PYGO1: variants seen among roughly 807,000 people sequenced by gnomAD.
The protein encoded by PYGO1 is pygopus family PHD finger 1.
PYGO1 carries 6 observed loss-of-function variants against 29.5 expected under a neutral mutation model. The ratio of observed to expected loss-of-function variants is 0.20; its 90% confidence interval spans 0.11 to 0.40. PYGO1 has a LOEUF of 0.40. Ranked by LOEUF, PYGO1 falls within the 10% of genes least tolerant of loss-of-function variation. The probability of loss-of-function intolerance (pLI) is 1.00; values close to 1 mark genes in which losing one functional copy is unlikely to be tolerated. For missense variants in PYGO1, 515 were observed against 514.9 expected (o/e 1.00, Z 0.00); for synonymous variants, 186 against 180.5 (o/e 1.03, Z -0.24).
At chr15:55,583,303 T>G (rs1274081088) in intron 1 of PYGO1, among the ~76,000 whole-genome samples, 1 of 152,192 alleles carries the variant, frequency 6.6e-6, no homozygotes, top group African/African-American at 2.4e-5. Flanking sequence ...TCTGGTGCCT[T>G]TCCAGTTTTT....
chr15:55,562,412 C>T (rs1044991355), intron 1 of PYGO1, among the ~76,000 whole-genome samples: 1 of 152,196 alleles, frequency 6.6e-6, no homozygotes, highest in Non-Finnish European at 1.5e-5. Flanking sequence ...TGGCTCATGC[C>T]TGTAATCCCA....
chr15:55,552,586 G>A (rs2058884314), intron 1 of PYGO1, among the ~76,000 whole-genome samples: 1 of 151,854 alleles, frequency 6.6e-6, no homozygotes, highest in Non-Finnish European at 1.5e-5. Context: ...CCCACCTCCA[G>A]CCAAGGGAAG....
chr15:55,583,086 T>C (rs2059031842), intron 1 of PYGO1, among the ~76,000 whole-genome samples: 1 of 152,218 alleles, frequency 6.6e-6, no homozygotes, highest in African/African-American at 2.4e-5. Flanking sequence ...TCTAAATTTC[T>C]TTCTTTCTCC....
rs568689036 is a variant in PYGO1 at position 55,540,619 on chromosome 15, C to G, written c.*5404G>C. On this transcript the variant is annotated 3_prime_UTR_variant, in exon 3 of 3. Coordinates refer to ENST00000563719, the MANE Select transcript of PYGO1 (RefSeq NM_001367806.1). ...ACTTCATAGAGTAGCTTAAAACATA[C>G]CAGCATAAGAAATAATTAGTATTAC... 1 of 152,020 alleles carries G rather than the reference C, an allele frequency of 6.6e-6. No homozygotes were observed. The highest frequency in any genetic ancestry group is 1.5e-5 in the Non-Finnish European group (1 of 67,968). 9.4% of individuals were successfully genotyped at this position (152,020 alleles called of 1,614,324 possible).
intron 1 of PYGO1, among the ~76,000 whole-genome samples, chr15:55,582,433 C>A (rs1486975284): frequency 6.6e-6 from 1 of 152,150 alleles, no homozygotes; most frequent in Admixed American, 6.5e-5. Context: ...AGCTGTAACA[C>A]CACTCTCTCA....
chr15:55,552,550 G>A (rs1188821716), intron 1 of PYGO1, among the ~76,000 whole-genome samples: 1 of 151,740 alleles, frequency 6.6e-6, no homozygotes, highest in Admixed American at 6.6e-5. Context: ...GCCCGCCCAG[G>A]AGCAGCATGG....
At chr15:55,582,719 G>A (rs1308287269) in intron 1 of PYGO1, among the ~76,000 whole-genome samples, 1 of 152,056 alleles carries the variant, frequency 6.6e-6, no homozygotes, top group Non-Finnish European at 1.5e-5. Flanking sequence ...ATCCCAGGAG[G>A]ATACTCATTC....
chr15:55,560,341 T>C (rs75664429), intron 1 of PYGO1, among the ~76,000 whole-genome samples: 7,392 of 152,106 alleles, frequency 0.049, 525 homozygotes, highest in African/African-American at 0.15. Context: ...AATCTCAGGA[T>C]ATAAAATCAG....
intron 1 of PYGO1, among the ~76,000 whole-genome samples, chr15:55,583,342 G>A (rs569148021): frequency 1.3e-5 from 2 of 149,550 alleles, no homozygotes; most frequent in South Asian, 4.2e-4. Flanking sequence ...GGGTTCTTCT[G>A]TAAATCTACA....
At chr15:55,563,407 C>G (rs1035673540) in intron 1 of PYGO1, among the ~76,000 whole-genome samples, 3 of 147,692 alleles carry the variant, frequency 2.0e-5, no homozygotes, top group Non-Finnish European at 4.4e-5. Context: ...TGCTCTGTCG[C>G]CCAGGCTGGA....
At chr15:55,584,163 C>T (rs955985283) in intron 1 of PYGO1, among the ~76,000 whole-genome samples, 7 of 142,774 alleles carry the variant, frequency 4.9e-5, no homozygotes, top group Non-Finnish European at 1.0e-4. Flanking sequence ...ATTGCCCAGG[C>T]GGGAGTGGAA....
chr15:55,571,275 C>T (rs139522779), intron 1 of PYGO1, among the ~76,000 whole-genome samples: 34 of 152,278 alleles, frequency 2.2e-4, no homozygotes, highest in Non-Finnish European at 3.7e-4. Context: ...ATGCATACCT[C>T]GGTTGTTTCT....
chr15:55,546,355 G>C lies in PYGO1; in HGVS notation c.928C>G (p.Pro310Ala), dbSNP rs751144748. 4 of 1,614,050 alleles carry C rather than the reference G, an allele frequency of 2.5e-6. No homozygotes were observed. The African/African-American group carries it at 5.3e-5, about 22-fold the overall frequency. The change falls in exon 3 of 3, where the codon CCA becomes GCA. Residue 310 changes from proline to alanine, a missense_variant. Physicochemically the swap from Pro to Ala is conservative, Grantham distance 27. Transcript: ENST00000563719. ...GTGCAGGCATCTGCTGCACCTCTTGGTTGTCGTGGCTTATTCTGCGTCCCA... is the reference window on the plus strand; with the variant it reads ...GTGCAGGCATCTGCTGCACCTCTTGCTTGTCGTGGCTTATTCTGCGTCCCA... Reference protein sequence around the residue: ...ANGTQNKPRQPRGAADACTTE... With the variant: ...ANGTQNKPRQARGAADACTTE...
intron 1 of PYGO1, among the ~76,000 whole-genome samples, chr15:55,552,405 T>C (rs971238698): frequency 2.7e-5 from 4 of 145,934 alleles, no homozygotes; most frequent in African/African-American, 7.6e-5. Flanking sequence ...CTGTGGTCCA[T>C]GGCTCTCAGG....
In PYGO1 at chr15:55,567,782, A is replaced by G. The variant is rs550384633; in HGVS notation, c.50-18787T>C. Among the ~76,000 whole-genome samples the G allele has an allele frequency of 2.6e-5, 4 of 152,210 alleles. No individual in the cohort carries two copies. In the East Asian group the frequency reaches 7.7e-4, roughly 29 times the overall value. ...TCCATCTTAATTTTTGTACATGGTG[A>G]TAGGTATGGGTCCATTTTCATTCTT... On this transcript the variant is annotated intron_variant, in intron 1 of 2. Transcript: ENST00000563719.
In PYGO1 at chr15:55,546,537, G is replaced by C; in HGVS notation, c.746C>G (p.Thr249Ser). ...QDFTQGATKN[T>S]NQNSSAHPPH... is the part of the protein sequence containing the mutation. ...TGGATGAGCAGAGGAATTTTGATTA[G>C]TGTTTTTGGTTGCTCCTTGAGTAAA... The change falls in exon 3 of 3, where the codon ACT becomes AGT. Residue 249 changes from threonine (T) to serine (S), a missense_variant. Transcript: ENST00000563719. The C allele has an allele frequency of 6.2e-7, 1 of 1,614,094 alleles. No individual in the cohort carries two copies. Among genetic ancestry groups the C allele is most frequent in the Non-Finnish European group, 8.5e-7 (1 of 1,180,022 alleles).
chr15:55,579,729 G>A (rs2059018162), intron 1 of PYGO1, among the ~76,000 whole-genome samples: 1 of 152,140 alleles, frequency 6.6e-6, no homozygotes, highest in Non-Finnish European at 1.5e-5. Context: ...CAATTAAAAT[G>A]CTGTAATTTA....
rs912790989 is a variant in PYGO1, at chr15:55,544,485, G to A, written c.*1538C>T. ...GCCCAAGTCACTTAACTTTGCTTTAGTAGCTTGTGACATGTGAGGTCGAGT... is the reference window on the plus strand; with the variant it reads ...GCCCAAGTCACTTAACTTTGCTTTAATAGCTTGTGACATGTGAGGTCGAGT... On this transcript the variant is annotated 3_prime_UTR_variant, in exon 3 of 3. Transcript: ENST00000563719. 6.6e-6 allele frequency: 1 copy of A among 152,190 alleles called. No homozygotes were observed. The highest frequency in any genetic ancestry group is 2.4e-5 in the African/African-American group (1 of 41,450). 9.4% of individuals were successfully genotyped at this position (152,190 alleles called of 1,614,324 possible).
rs71297645 is a variant in PYGO1, at chr15:55,567,197, C to CTTTTTTTTTTTTTTTTTTTTTTTTTTT, written c.50-18229_50-18203dup. On this transcript the variant is annotated intron_variant, in intron 1 of 2. Coordinates refer to ENST00000563719, the MANE Select transcript of PYGO1 (RefSeq NM_001367806.1). ...ATATCTGTTCCTGTCTTTTGCCCAC[C>CTTTTTTTTTTTTTTTTTTTTTTTTTTT]TTTTTTTTTTTTTTTTTTTTTTTTT... Among the ~76,000 whole-genome samples the CTTTTTTTTTTTTTTTTTTTTTTTTTTT allele has an allele frequency of 6.4e-5, 3 of 47,054 alleles. 1 individual carries two copies. Among genetic ancestry groups the CTTTTTTTTTTTTTTTTTTTTTTTTTTT allele is most frequent in the African/African-American group, 1.8e-4 (2 of 11,056 alleles). The allele number at this position is 47,054 out of a possible 152,430, so 30.9% of individuals were successfully genotyped here.
Sources: gnomAD v4.1 joint callset for allele counts (sites outside exome capture counted in the v4.1 genomes callset) on GRCh38, gnomAD v4.1.1 for gene constraint, MANE v1.5 for transcripts, NCBI Gene and HGNC (gene_info 2026-07-23, HGNC 2026-07-21) for gene names.